DIS3L2: variants seen among roughly 807,000 people sequenced by gnomAD.
The protein encoded by DIS3L2 is DIS3 like 3'-5' exoribonuclease 2.
DIS3L2 carries 34 observed loss-of-function variants against 97.5 expected under a neutral mutation model. The observed-to-expected ratio is 0.35, with a 90% CI of 0.27 to 0.46. The LOEUF (loss-of-function observed/expected upper bound fraction) is 0.46. Ranked by LOEUF, DIS3L2 falls within the 20% of genes least tolerant of loss-of-function variation. The probability of loss-of-function intolerance (pLI) is 1.00; values close to 1 mark genes in which losing one functional copy is unlikely to be tolerated. For missense variants in DIS3L2, 1,038 were observed against 1,146.0 expected (o/e 0.91, Z 1.36); for synonymous variants, 435 against 445.2 (o/e 0.98, Z 0.29).
At chr2:232,091,236 A>G (rs1482500592) in intron 6 of DIS3L2, among the ~76,000 whole-genome samples, 4 of 152,216 alleles carry the variant, frequency 2.6e-5, no homozygotes, top group Admixed American at 6.5e-5. Flanking sequence ...GTGCTAGGAA[A>G]TAGTAGGTCT....
chr2:232,080,613 A>T (rs917209316), intron 5 of DIS3L2, among the ~76,000 whole-genome samples: 2 of 152,062 alleles, frequency 1.3e-5, no homozygotes, highest in Non-Finnish European at 2.9e-5. Flanking sequence ...TTCTTTAAAA[A>T]TACAGGGCTG....
At chr2:232,023,874 A>T (rs1447978792) in intron 3 of DIS3L2, among the ~76,000 whole-genome samples, 2 of 148,120 alleles carry the variant, frequency 1.4e-5, no homozygotes, top group Non-Finnish European at 2.9e-5. Context: ...CAATTGTGGA[A>T]AGGTCTTGGA....
chr2:232,171,087 A>G (rs1690975391), intron 9 of DIS3L2, among the ~76,000 whole-genome samples: 1 of 152,230 alleles, frequency 6.6e-6, no homozygotes, highest in Admixed American at 6.5e-5. Flanking sequence ...AGTTCTCCCC[A>G]GGGCCTAGCT....
intron 13 of DIS3L2, among the ~76,000 whole-genome samples, chr2:232,290,656 C>G (rs1694576357): frequency 6.6e-6 from 1 of 152,178 alleles, no homozygotes; most frequent in South Asian, 2.1e-4. Flanking sequence ...ATTGAAGAAT[C>G]CTTGTCCTGT....
At position 231,971,307 on chromosome 2, in the gene DIS3L2, G is replaced by A. The variant is rs546982393; in HGVS notation, c.-94+9542G>A. The stretch of plus-strand genomic sequence containing the variant: ...TTTTGAGACAGAGTCTCAGTCTTTC[G>A]CCAGGCTGGAGTGCAGTGGCGCGAT... On this transcript the variant is annotated intron_variant, in intron 1 of 20. Coordinates refer to ENST00000325385, the MANE Select transcript of DIS3L2 (RefSeq NM_152383.5). Among the ~76,000 whole-genome samples, 343 of 149,184 alleles carry A rather than the reference G, an allele frequency of 2.3e-3. 4 individuals carry two copies. In the Middle Eastern group the frequency reaches 0.027, roughly 12 times the overall value.
chr2:232,261,946 G>T (rs1313106351), intron 12 of DIS3L2, among the ~76,000 whole-genome samples: 1 of 152,166 alleles, frequency 6.6e-6, no homozygotes, highest in Non-Finnish European at 1.5e-5. Context: ...ATTGTTATGA[G>T]AATTAAATAG....
At chr2:232,266,025 A>C (rs921155535) in intron 13 of DIS3L2, among the ~76,000 whole-genome samples, 1 of 152,178 alleles carries the variant, frequency 6.6e-6, no homozygotes, top group Non-Finnish European at 1.5e-5. Flanking sequence ...AGAATAACCA[A>C]CCAATGGCTG....
chr2:232,105,078 A>G (rs1697322461), intron 6 of DIS3L2, among the ~76,000 whole-genome samples: 1 of 152,170 alleles, frequency 6.6e-6, no homozygotes, highest in African/African-American at 2.4e-5. Context: ...CTGGCCCCCC[A>G]AAGTGCTGGG....
intron 8 of DIS3L2, among the ~76,000 whole-genome samples, chr2:232,157,959 T>C (rs1422457432): frequency 1.3e-5 from 2 of 152,198 alleles, no homozygotes; most frequent in Non-Finnish European, 2.9e-5. Flanking sequence ...AGTTATACCC[T>C]GTCTGGACTC....
intron 5 of DIS3L2, among the ~76,000 whole-genome samples, chr2:232,054,938 A>C (rs1330934179): frequency 6.6e-6 from 1 of 152,228 alleles, no homozygotes; most frequent in African/African-American, 2.4e-5. Context: ...CACTAATGTA[A>C]GATTGGAGGA....
At chr2:232,211,968 G>T (rs1553537099) in intron 10 of DIS3L2, among the ~76,000 whole-genome samples, 1 of 152,002 alleles carries the variant, frequency 6.6e-6, no homozygotes, top group Non-Finnish European at 1.5e-5. Context: ...TCCTGCCTGG[G>T]CCTCCCAAAG....
At chr2:232,196,016 G>T (rs561344471) in intron 9 of DIS3L2, among the ~76,000 whole-genome samples, 10 of 152,126 alleles carry the variant, frequency 6.6e-5, no homozygotes, top group Non-Finnish European at 1.0e-4. Context: ...AATGAACAAG[G>T]GCAGCTTGGA....
chr2:232,058,801 G>C (rs902651872), intron 5 of DIS3L2, among the ~76,000 whole-genome samples: 10 of 152,140 alleles, frequency 6.6e-5, no homozygotes, highest in Admixed American at 2.6e-4. Context: ...GAATCCTTGG[G>C]TTAAGGTTTC....
intron 5 of DIS3L2, among the ~76,000 whole-genome samples, chr2:232,050,098 T>C (rs543505604): frequency 2.0e-5 from 3 of 151,982 alleles, no homozygotes; most frequent in Non-Finnish European, 4.4e-5. Context: ...CCTGTTTTCA[T>C]TGGTTGTTTG....
intron 9 of DIS3L2, among the ~76,000 whole-genome samples, chr2:232,168,317 TG>T (rs1338169084): frequency 2.0e-5 from 3 of 152,192 alleles, no homozygotes; most frequent in Non-Finnish European, 4.4e-5. Context: ...CTAAAGTATC[TG>T]ATAGGTAACA....
At chr2:232,145,503 C>A (rs1332755733) in intron 8 of DIS3L2, among the ~76,000 whole-genome samples, 2 of 152,054 alleles carry the variant, frequency 1.3e-5, no homozygotes, top group East Asian at 1.9e-4. Context: ...ACTTTTATTT[C>A]TTTTTCTTAT....
chr2:232,065,574 C>G lies in DIS3L2; in HGVS notation c.367-21913C>G, dbSNP rs567681203. Among the ~76,000 whole-genome samples, 69 of 151,234 alleles carry G rather than the reference C, an allele frequency of 4.6e-4. 1 individual carries two copies. The South Asian group carries it at 0.013, about 30-fold the overall frequency. ...TATTCTGTTCCATTAATCTATTTATCTATCCTTCCTTAATTACTGTAGCTT... is the reference window on the plus strand; with the variant it reads ...TATTCTGTTCCATTAATCTATTTATGTATCCTTCCTTAATTACTGTAGCTT... On this transcript the variant is annotated intron_variant, in intron 5 of 20. Transcript: ENST00000325385.
intron 5 of DIS3L2, among the ~76,000 whole-genome samples, chr2:232,055,508 G>A (rs1695523025): frequency 6.6e-6 from 1 of 152,172 alleles, no homozygotes; most frequent in South Asian, 2.1e-4. Flanking sequence ...AAATGGTCAT[G>A]GACTGTAAAA....
intron 7 of DIS3L2, 82 bp from the exon 8 acceptor site, chr2:232,136,390 C>A: frequency 6.5e-7 from 1 of 1,539,818 alleles, no homozygotes. Flanking sequence ...GCTAGTTGAT[C>A]AAATTATAAC....
Sources: allele counts gnomAD v4.1 joint callset (sites outside exome capture counted in the v4.1 genomes callset), GRCh38; gene constraint gnomAD v4.1.1; transcripts MANE v1.5; gene names NCBI Gene and HGNC (gene_info 2026-07-23, HGNC 2026-07-21).